Variants in CEP128 observed in about 807,000 individuals in gnomAD.
CEP128 encodes centrosomal protein 128.
A neutral mutation model predicts 156.7 loss-of-function variants in CEP128; 132 were observed. That is an observed-to-expected ratio of 0.84 (90% CI 0.73 to 0.97). The LOEUF (loss-of-function observed/expected upper bound fraction) is 0.97. Ranked by LOEUF, CEP128 falls within the 50% of genes least tolerant of loss-of-function variation. CEP128 has a pLI of 0.00. For synonymous variants in CEP128, 469 were observed against 448.9 expected, an observed-to-expected ratio of 1.04 and a Z score of -0.57; for missense variants, 1,252 against 1,281.9, an observed-to-expected ratio of 0.98 and a Z score of 0.36.
chr14:80,922,525 G>T (rs1884923363), intron 2 of CEP128, among the ~76,000 whole-genome samples: 1 of 152,096 alleles, frequency 6.6e-6, no homozygotes, highest in African/African-American at 2.4e-5. Flanking sequence ...AAAATTGGAG[G>T]ATATAAAAAT....
At chr14:80,836,123 T>A in intron 12 of CEP128, 82 bp downstream of exon 12, 3 of 1,299,608 alleles carry the variant, frequency 2.3e-6, no homozygotes, top group Non-Finnish European at 3.3e-6. Flanking sequence ...AATGCAATTC[T>A]GAGGATGAAA....
intron 19 of CEP128, among the ~76,000 whole-genome samples, chr14:80,713,366 T>C (rs998847309): frequency 1.3e-5 from 2 of 152,154 alleles, no homozygotes; most frequent in African/African-American, 4.8e-5. Flanking sequence ...CCTCCCTGAA[T>C]TTCTTCCTAT....
intron 2 of CEP128, among the ~76,000 whole-genome samples, chr14:80,917,535 G>A (rs548299564): frequency 7.1e-4 from 108 of 152,034 alleles, no homozygotes; most frequent in African/African-American, 2.5e-3. Flanking sequence ...TTTTTGTTTT[G>A]TTTTCTTTTG....
At chr14:80,887,692 G>T (rs146837215) in intron 8 of CEP128, among the ~76,000 whole-genome samples, 1 of 152,150 alleles carries the variant, frequency 6.6e-6, no homozygotes, top group South Asian at 2.1e-4. Context: ...ACCTAAAATC[G>T]ATACCCTAAC....
intron 13 of CEP128, among the ~76,000 whole-genome samples, chr14:80,797,930 T>C (rs1883588479): frequency 6.6e-6 from 1 of 152,210 alleles, no homozygotes; most frequent in East Asian, 1.9e-4. Flanking sequence ...TACTATTATA[T>C]ATTCCTGGAG....
At chr14:80,745,623 T>G (rs150921388) in intron 18 of CEP128, among the ~76,000 whole-genome samples, 3 of 152,084 alleles carry the variant, frequency 2.0e-5, no homozygotes, top group African/African-American at 7.2e-5. Context: ...TTTTAAAATA[T>G]CTATGGAAAA....
intron 21 of CEP128, among the ~76,000 whole-genome samples, chr14:80,540,481 G>A (rs1218042543): frequency 6.6e-6 from 1 of 152,226 alleles, no homozygotes; most frequent in Non-Finnish European, 1.5e-5. Flanking sequence ...GAAGAGCCTG[G>A]TGTGGCCAGG....
intron 24 of CEP128, among the ~76,000 whole-genome samples, chr14:80,499,077 CAGAG>C (rs1887622343): frequency 6.6e-6 from 1 of 152,142 alleles, no homozygotes. Flanking sequence ...ATGAGAGAGA[CAGAG>C]AGACTGCACT....
At chr14:80,906,725 A>G in intron 4 of CEP128, among the ~76,000 whole-genome samples, 1 of 152,188 alleles carries the variant, frequency 6.6e-6, no homozygotes, top group Non-Finnish European at 1.5e-5. Flanking sequence ...TTAGACTTAA[A>G]GAGCTACATT....
At chr14:80,899,632 G>C (rs905956654) in intron 7 of CEP128, among the ~76,000 whole-genome samples, 1 of 152,072 alleles carries the variant, frequency 6.6e-6, no homozygotes. Flanking sequence ...CGGTCTTTGT[G>C]TCTCTCTCTC....
At chr14:80,823,170 C>G (rs952617473) in intron 13 of CEP128, among the ~76,000 whole-genome samples, 1 of 152,222 alleles carries the variant, frequency 6.6e-6, no homozygotes, top group African/African-American at 2.4e-5. Flanking sequence ...ACTTAACTCC[C>G]TTAAACCCAG....
chr14:80,681,284 G>C (rs1566853587), intron 19 of CEP128, among the ~76,000 whole-genome samples: 1 of 152,142 alleles, frequency 6.6e-6, no homozygotes, highest in Non-Finnish European at 1.5e-5. Flanking sequence ...ATTACAAAAA[G>C]TAGAAATGTC....
intron 19 of CEP128, among the ~76,000 whole-genome samples, chr14:80,658,430 C>A (rs1363396007): frequency 1.3e-5 from 2 of 152,148 alleles, no homozygotes; most frequent in Non-Finnish European, 2.9e-5. Flanking sequence ...TATATCAAAG[C>A]CAATTCTTGG....
At chr14:80,602,114 A>T (rs888275737) in intron 19 of CEP128, among the ~76,000 whole-genome samples, 1 of 152,210 alleles carries the variant, frequency 6.6e-6, no homozygotes, top group Non-Finnish European at 1.5e-5. Flanking sequence ...ACATAAAATA[A>T]TAAAAGGGTC....
At chr14:80,499,691 G>C (rs1887648572) in intron 24 of CEP128, among the ~76,000 whole-genome samples, 1 of 152,206 alleles carries the variant, frequency 6.6e-6, no homozygotes, top group Non-Finnish European at 1.5e-5. Flanking sequence ...GAGATTTCTA[G>C]AAGTCATCAG....
intron 8 of CEP128, among the ~76,000 whole-genome samples, chr14:80,881,492 T>C (rs1328870645): frequency 1.7e-5 from 2 of 119,282 alleles, no homozygotes; most frequent in African/African-American, 6.8e-5. Flanking sequence ...CTAGCAAACA[T>C]TTAAAGAACT....
intron 13 of CEP128, among the ~76,000 whole-genome samples, chr14:80,817,393 T>C (rs970813821): frequency 2.0e-5 from 3 of 152,156 alleles, no homozygotes; most frequent in Admixed American, 6.5e-5. Flanking sequence ...AAACAGCCTT[T>C]GAATGGGCCT....
At chr14:80,861,803 A>G (rs1031503707) in intron 9 of CEP128, among the ~76,000 whole-genome samples, 1 of 152,214 alleles carries the variant, frequency 6.6e-6, no homozygotes, top group Non-Finnish European at 1.5e-5. Context: ...TTTGATTGTT[A>G]TACTGTAACT....
rs199721237 is a variant in CEP128 at position 80,726,793 on chromosome 14, GA to G, written c.2806+16281del. Reference sequence around the variant, plus strand: ...AATAAGTGGATATTTCAAGGAAAAAGAATTTTAAAAGGAAGAGAATATAGTT... The same window carrying G: ...AATAAGTGGATATTTCAAGGAAAAAGATTTTAAAAGGAAGAGAATATAGTT... On this transcript the variant is annotated intron_variant, in intron 19 of 24. Coordinates refer to ENST00000555265, the MANE Select transcript of CEP128 (RefSeq NM_152446.5). Among the ~76,000 whole-genome samples the G allele has an allele frequency of 3.1e-4, 47 of 152,164 alleles. 1 individual carries two copies. In the East Asian group the frequency reaches 7.1e-3, roughly 23 times the overall value.
Sources: gnomAD v4.1 joint callset for allele counts (sites outside exome capture counted in the v4.1 genomes callset) on GRCh38, gnomAD v4.1.1 for gene constraint, MANE v1.5 for transcripts, NCBI Gene and HGNC (gene_info 2026-07-23, HGNC 2026-07-21) for gene names.